Variants in CAST observed in about 807,000 individuals in gnomAD.
CAST encodes the protein MIR583 host.
Under a neutral mutation model 119.6 loss-of-function variants are expected in CAST, and 76 were observed. That is an observed-to-expected ratio of 0.64 (90% CI 0.53 to 0.77). The LOEUF is 0.77. Ranked by LOEUF, CAST falls within the 30% of genes least tolerant of loss-of-function variation. The pLI is 0.00. For synonymous variants in CAST, 319 were observed against 331.6 expected, an observed-to-expected ratio of 0.96 and a Z score of 0.41; for missense variants, 953 against 946.5, an observed-to-expected ratio of 1.01 and a Z score of -0.09.
rs1373520544 is a variant in CAST at position 96,742,602 on chromosome 5, T to G, written c.1099-53T>G. The G allele has an allele frequency of 4.4e-6, 5 of 1,137,632 alleles. No homozygotes were observed. In the East Asian group the frequency reaches 1.2e-4, roughly 27 times the overall value. 70.5% of individuals were successfully genotyped at this position (1,137,632 alleles called of 1,614,324 possible). On this transcript the variant is annotated intron_variant, in intron 15 of 31. Coordinates refer to ENST00000675179, the MANE Select transcript of CAST (RefSeq NM_001750.7). ...ATTTTACAAAGAAGTAAATGGATTG[T>G]TCGGGCTCCAGAGATGTCTTTTTTC... is the stretch of plus-strand genomic sequence containing the variant.
the CAST span, among the ~76,000 whole-genome samples, chr5:96,018,186 AG>A: frequency 6.6e-6 from 1 of 152,224 alleles, no homozygotes; most frequent in Non-Finnish European, 1.5e-5. Context: ...AAATCTGAAA[AG>A]TATGAAGTTG....
chr5:96,562,764 TATG>T (rs1195537508), intron 1 of CAST, among the ~76,000 whole-genome samples: 2 of 152,174 alleles, frequency 1.3e-5, no homozygotes, highest in African/African-American at 4.8e-5. Context: ...GTTAAATGCT[TATG>T]ATATTTTCAT....
chr5:96,210,706 A>G, the CAST span, among the ~76,000 whole-genome samples: 1 of 152,024 alleles, frequency 6.6e-6, no homozygotes, highest in Non-Finnish European at 1.5e-5. Context: ...TGTTGCCCAT[A>G]TCTACAGAAA....
At chr5:95,983,584 G>A in the CAST span, among the ~76,000 whole-genome samples, 1 of 152,060 alleles carries the variant, frequency 6.6e-6, no homozygotes, top group Non-Finnish European at 1.5e-5. Context: ...ATCAAATATT[G>A]TATGTGAATA....
intron 11 of CAST, among the ~76,000 whole-genome samples, chr5:96,738,875 C>T (rs1195269650): frequency 1.4e-5 from 2 of 146,406 alleles, no homozygotes; most frequent in African/African-American, 5.1e-5. Flanking sequence ...GCAGTGGTTG[C>T]AGTTAGCTGG....
chr5:96,556,110 G>C (rs1033458887), intron 1 of CAST, among the ~76,000 whole-genome samples: 2 of 152,196 alleles, frequency 1.3e-5, no homozygotes, highest in African/African-American at 4.8e-5. Flanking sequence ...GGTCTGGAGT[G>C]GACCTCCAGA....
chr5:96,234,104 T>C, the CAST span, among the ~76,000 whole-genome samples: 1 of 152,224 alleles, frequency 6.6e-6, no homozygotes, highest in Non-Finnish European at 1.5e-5. Context: ...ACTTGGCTTA[T>C]ATTCAGGAAA....
the CAST span, chr5:96,215,482 T>C: frequency 6.6e-5 from 10 of 152,200 alleles, no homozygotes; most frequent in African/African-American, 2.4e-4. Context: ...GCTGAGTTTC[T>C]CATTTCTGCT....
the CAST span, among the ~76,000 whole-genome samples, chr5:96,328,430 T>TCC: frequency 7.3e-5 from 10 of 136,774 alleles, no homozygotes; most frequent in African/African-American, 2.2e-4. Flanking sequence ...TCTCTCTCTC[T>TCC]CCTTGTGACA....
chr5:96,386,067 G>A, the CAST span, among the ~76,000 whole-genome samples: 6 of 152,104 alleles, frequency 3.9e-5, no homozygotes, highest in African/African-American at 9.7e-5. Flanking sequence ...TCTCAGATTC[G>A]TTTTTACGAT....
chr5:96,515,789 G>T, the CAST span, among the ~76,000 whole-genome samples: 1 of 152,072 alleles, frequency 6.6e-6, no homozygotes, highest in East Asian at 1.9e-4. Context: ...ATGGGTACAA[G>T]TGTTCGACTC....
the CAST span, chr5:96,433,000 G>A: frequency 5.6e-6 from 9 of 1,614,236 alleles, no homozygotes; most frequent in Non-Finnish European, 7.6e-6. Context: ...GCGCAAAAGA[G>A]GACGAAAGCA....
At position 96,737,911 on chromosome 5, in the gene CAST, A is replaced by G; in HGVS notation, c.762A>G (p.Glu254=). 1.2e-6 allele frequency: 2 copies of G among 1,607,518 alleles called. No homozygotes were observed. The highest frequency in any genetic ancestry group is 1.7e-6 in the Non-Finnish European group (2 of 1,174,108). ...IDTLGGPEET[E]EENTTYTGPE... ...CTTTAGGAGGACCTGAAGAAACTGA[A>G]GAAGAAAATACAACGTATACTGGAC... The change falls in exon 11 of 32, where the codon GAA becomes GAG. Residue 254 remains glutamate (E), a synonymous_variant. Transcript: ENST00000675179.
chr5:96,406,932 G>A, the CAST span, among the ~76,000 whole-genome samples: 1 of 152,188 alleles, frequency 6.6e-6, no homozygotes, highest in East Asian at 1.9e-4. Flanking sequence ...GTGATGTGCA[G>A]TGTGAGACAG....
At chr5:96,683,392 G>C (rs1486826410) in intron 2 of CAST, among the ~76,000 whole-genome samples, 1 of 152,206 alleles carries the variant, frequency 6.6e-6, no homozygotes, top group Non-Finnish European at 1.5e-5. Flanking sequence ...GAAACTTCTA[G>C]AGACAATATT....
At chr5:95,991,340 G>A in the CAST span, among the ~76,000 whole-genome samples, 1 of 152,046 alleles carries the variant, frequency 6.6e-6, no homozygotes, top group Non-Finnish European at 1.5e-5. Flanking sequence ...GGTTGGCTTA[G>A]CACAGATTGT....
chr5:96,629,560 G>T (rs1747787042), intron 1 of CAST, among the ~76,000 whole-genome samples: 2 of 152,206 alleles, frequency 1.3e-5, no homozygotes, highest in Non-Finnish European at 1.5e-5. Context: ...TTGCTAAAAA[G>T]TATGGGTTGG....
chr5:96,154,729 A>G, the CAST span, among the ~76,000 whole-genome samples: 1 of 152,178 alleles, frequency 6.6e-6, no homozygotes, highest in East Asian at 1.9e-4. Context: ...TACCTGTAGA[A>G]TGCACCTCAA....
intron 1 of CAST, among the ~76,000 whole-genome samples, chr5:96,651,992 A>G (rs1748100230): frequency 6.6e-6 from 1 of 152,224 alleles, no homozygotes; most frequent in African/African-American, 2.4e-5. Flanking sequence ...CAAGGTATAT[A>G]TTAGTAGGCT....
Sources: gnomAD v4.1 joint callset for allele counts (sites outside exome capture counted in the v4.1 genomes callset) on GRCh38, gnomAD v4.1.1 for gene constraint, MANE v1.5 for transcripts, NCBI Gene and HGNC (gene_info 2026-07-23, HGNC 2026-07-21) for gene names.